Variants in SLC4A4 observed in about 807,000 individuals in gnomAD.
SLC4A4 encodes the protein electrogenic sodium bicarbonate cotransporter 1.
In SLC4A4, 27 loss-of-function variants were observed where a neutral mutation model predicts 111.5. That is an observed-to-expected ratio of 0.24 (90% CI 0.18 to 0.33). The LOEUF (loss-of-function observed/expected upper bound fraction) is 0.33. SLC4A4 is among the 10% of genes least tolerant of loss of function. The pLI is 1.00. For missense variants in SLC4A4, 909 were observed against 1,315.5 expected (o/e 0.69, Z 4.78); for synonymous variants, 443 against 463.4 (o/e 0.96, Z 0.57).
chr4:71,305,596 A>G (rs1009364409), intron 3 of SLC4A4, among the ~76,000 whole-genome samples: 25 of 152,234 alleles, frequency 1.6e-4, no homozygotes, highest in African/African-American at 5.3e-4. Flanking sequence ...TAGAGCTGGG[A>G]TATGCAAAAC....
At chr4:71,299,133 C>T in intron 3 of SLC4A4, among the ~76,000 whole-genome samples, 1 of 152,184 alleles carries the variant, frequency 6.6e-6, no homozygotes, top group Admixed American at 6.5e-5. Context: ...AAGAGACTCT[C>T]ATTTTTGCTA....
intron 16 of SLC4A4, among the ~76,000 whole-genome samples, chr4:71,499,584 C>A (rs1730717129): frequency 6.6e-6 from 1 of 152,230 alleles, no homozygotes; most frequent in South Asian, 2.1e-4. Flanking sequence ...CAATATCCTC[C>A]CATTCCCCGC....
chr4:71,486,628 A>G (rs1444962992), intron 14 of SLC4A4, among the ~76,000 whole-genome samples: 1 of 151,204 alleles, frequency 6.6e-6, no homozygotes, highest in Non-Finnish European at 1.5e-5. Flanking sequence ...TTCCACTAGC[A>G]AAATATATTG....
chr4:71,102,151 A>C (rs567556991), intron 2 of SLC4A4, among the ~76,000 whole-genome samples: 1 of 152,232 alleles, frequency 6.6e-6, no homozygotes, highest in Non-Finnish European at 1.5e-5. Context: ...AGATGCGATC[A>C]ACTGGAAGAA....
Position 71,357,207 on chromosome 4 carries a change from G to T in SLC4A4, c.730+20G>T. The T allele has an allele frequency of 6.2e-7, 1 of 1,611,942 alleles. No homozygotes were observed. On this transcript the variant is annotated intron_variant, in intron 6 of 25. Coordinates refer to ENST00000264485, the MANE Select transcript of SLC4A4 (RefSeq NM_001098484.3). ...ATAATGGTAATGCAGAGGCCAGCTG[G>T]CTGCTGCTTTCTCTTACTTATTTCA...
In SLC4A4 at chr4:71,534,212, T is replaced by C. The variant is rs1000924617; in HGVS notation, c.2281-15T>C. 7 of 1,612,880 alleles carry C rather than the reference T, an allele frequency of 4.3e-6. No homozygotes were observed. In the East Asian group the frequency reaches 1.3e-4, roughly 31 times the overall value. ...CCTGATAATTTTCTGAAAAATGTCATCTGTCTTTTTCAAGCCAACAAGTCC... is the reference window on the plus strand; with the variant it reads ...CCTGATAATTTTCTGAAAAATGTCACCTGTCTTTTTCAAGCCAACAAGTCC... On this transcript the variant is annotated splice_polypyrimidine_tract_variant and intron_variant, in intron 17 of 25. Transcript: ENST00000264485.
At chr4:71,241,106 G>A (rs190599216) in intron 2 of SLC4A4, among the ~76,000 whole-genome samples, 2 of 152,070 alleles carry the variant, frequency 1.3e-5, no homozygotes, top group Admixed American at 1.3e-4. Context: ...GTGACAGAGT[G>A]ATACCCTGCC....
intron 1 of SLC4A4, among the ~76,000 whole-genome samples, chr4:71,220,207 G>C (rs183907331): frequency 1.4e-3 from 213 of 152,326 alleles, no homozygotes; most frequent in Non-Finnish European, 2.6e-3. Flanking sequence ...GTTGAGGCAA[G>C]ACCTTCCACT....
At chr4:71,165,902 C>T (rs1052428078) in intron 2 of SLC4A4, among the ~76,000 whole-genome samples, 4 of 151,946 alleles carry the variant, frequency 2.6e-5, no homozygotes, top group African/African-American at 9.7e-5. Flanking sequence ...AATGTGAGCA[C>T]ATGTAGTTAC....
At position 71,297,760 on chromosome 4, in the gene SLC4A4, G is replaced by A. The variant is rs563877335; in HGVS notation, c.254-41610G>A. 3.1e-3 allele frequency among the ~76,000 whole-genome samples: 472 copies of A among 151,848 alleles called. 1 individual carries two copies. Among genetic ancestry groups the A allele is most frequent in the Non-Finnish European group, 4.9e-3 (330 of 67,944 alleles). ...GTGCCACCACCCCTGGCTAATTTTT[G>A]TATTTTTAGTAGAGACAGGGTTTCA... On this transcript the variant is annotated intron_variant, in intron 3 of 25. Transcript: ENST00000264485.
chr4:71,162,828 A>G (rs7685921), intron 2 of SLC4A4, among the ~76,000 whole-genome samples: 26,908 of 152,136 alleles, frequency 0.18, 2,843 homozygotes, highest in South Asian at 0.35. Context: ...TTAAGGACCC[A>G]TCAAACATTT....
intron 23 of SLC4A4, among the ~76,000 whole-genome samples, chr4:71,562,149 A>G (rs930757620): frequency 1.3e-5 from 2 of 151,736 alleles, no homozygotes; most frequent in African/African-American, 4.8e-5. Flanking sequence ...TGTGTTTCCA[A>G]CAGATTTCTT....
intron 21 of SLC4A4, among the ~76,000 whole-genome samples, chr4:71,556,942 A>G (rs187513395): frequency 5.3e-5 from 8 of 152,118 alleles, no homozygotes; most frequent in Admixed American, 5.2e-4. Flanking sequence ...ATCCTGTGAT[A>G]GGTTCTTGAA....
chr4:71,116,640 G>A (rs1743274015), intron 2 of SLC4A4, among the ~76,000 whole-genome samples: 1 of 152,160 alleles, frequency 6.6e-6, no homozygotes, highest in Non-Finnish European at 1.5e-5. Context: ...AGGTGTTTGA[G>A]TGTGTATTAA....
chr4:71,159,385 TC>T (rs1275467074), intron 2 of SLC4A4, among the ~76,000 whole-genome samples: 11 of 152,194 alleles, frequency 7.2e-5, no homozygotes, highest in Non-Finnish European at 1.6e-4. Flanking sequence ...TAAATTTTTG[TC>T]TTATTGAGAC....
At chr4:71,516,387 G>A (rs903418323) in intron 16 of SLC4A4, among the ~76,000 whole-genome samples, 66 of 152,120 alleles carry the variant, frequency 4.3e-4, no homozygotes, top group African/African-American at 1.4e-3. Flanking sequence ...GTGAGCCACC[G>A]CGCCCAGCCA....
At chr4:71,205,804 T>C (rs542689594) in intron 1 of SLC4A4, among the ~76,000 whole-genome samples, 56 of 152,208 alleles carry the variant, frequency 3.7e-4, no homozygotes, top group Middle Eastern at 3.2e-3. Flanking sequence ...AGTGCAATGA[T>C]GCAGTCAAAA....
intron 2 of SLC4A4, among the ~76,000 whole-genome samples, chr4:71,156,590 A>ACGCG (rs1560749502): frequency 1.6e-5 from 2 of 122,920 alleles, no homozygotes; most frequent in Admixed American, 8.8e-5. Context: ...GCGCGCGCGC[A>ACGCG]CACACACACA....
At position 71,519,154 on chromosome 4, in the gene SLC4A4, T is replaced by C. The variant is rs530205038; in HGVS notation, c.2167-12908T>C. ...ATCAGTGCCTAGTTGTTCAAATTTA[T>C]GTTTCTGCAGGGCAATGACCATTGG... On this transcript the variant is annotated intron_variant, in intron 16 of 25. Transcript: ENST00000264485. 1.2e-4 allele frequency among the ~76,000 whole-genome samples: 19 copies of C among 152,342 alleles called. No individual in the cohort carries two copies. In the South Asian group the frequency reaches 3.9e-3, roughly 32 times the overall value.
Sources: allele counts gnomAD v4.1 joint callset (sites outside exome capture counted in the v4.1 genomes callset), GRCh38; gene constraint gnomAD v4.1.1; transcripts MANE v1.5; gene names NCBI Gene and HGNC (gene_info 2026-07-23, HGNC 2026-07-21).